NSMCE2: variants seen among roughly 807,000 people sequenced by gnomAD.
NSMCE2 encodes NSE2 SUMO ligase component of SMC5/6 complex, also known as E3 SUMO-protein ligase NSE2.
NSMCE2 carries 24 observed loss-of-function variants against 23.8 expected under a neutral mutation model. The observed-to-expected ratio is 1.01, with a 90% CI of 0.73 to 1.42. The LOEUF (loss-of-function observed/expected upper bound fraction) is 1.42, where lower values mean the gene tolerates loss of function less well. Among genes scored for constraint, NSMCE2 ranks in the 40% most tolerant of loss-of-function variants. NSMCE2 has a pLI of 0.00. For synonymous variants in NSMCE2, 92 were observed against 94.1 expected (o/e 0.98, Z 0.13); for missense variants, 284 against 296.5 (o/e 0.96, Z 0.31).
chr8:125,159,909 A>T (rs1026820635), intron 4 of NSMCE2, among the ~76,000 whole-genome samples: 1 of 151,680 alleles, frequency 6.6e-6, no homozygotes, highest in Non-Finnish European at 1.5e-5. Flanking sequence ...GCAGTGAGCC[A>T]TGATGGCGCC....
At chr8:125,356,075 G>A (rs1813261783) in intron 5 of NSMCE2, among the ~76,000 whole-genome samples, 1 of 152,052 alleles carries the variant, frequency 6.6e-6, no homozygotes, top group Admixed American at 6.6e-5. Flanking sequence ...TTCTTTTCAT[G>A]AGTGAATTTT....
chr8:125,103,257 G>A (rs1470631683), intron 3 of NSMCE2, among the ~76,000 whole-genome samples: 1 of 151,752 alleles, frequency 6.6e-6, no homozygotes, highest in African/African-American at 2.4e-5. Context: ...AGTGAGTCGA[G>A]ACCGAGCCAC....
At chr8:125,187,657 T>G (rs998228868) in intron 5 of NSMCE2, among the ~76,000 whole-genome samples, 1 of 152,144 alleles carries the variant, frequency 6.6e-6, no homozygotes, top group Non-Finnish European at 1.5e-5. Context: ...CCTGTAGATT[T>G]TAGTGTACAT....
chr8:125,182,923 A>C (rs1325729388), intron 5 of NSMCE2: 2 of 152,224 alleles, frequency 1.3e-5, no homozygotes, highest in African/African-American at 4.8e-5. Context: ...TAAAGTATAT[A>C]TGCCCTTTCT....
chr8:125,154,427 T>G (rs1420680239), intron 4 of NSMCE2, among the ~76,000 whole-genome samples: 1 of 151,440 alleles, frequency 6.6e-6, no homozygotes, highest in African/African-American at 2.4e-5. Flanking sequence ...CCTTCCGTTG[T>G]CTCTCAAGAA....
At chr8:125,170,428 C>T (rs1337324388) in intron 4 of NSMCE2, among the ~76,000 whole-genome samples, 2 of 106,152 alleles carry the variant, frequency 1.9e-5, no homozygotes, top group African/African-American at 7.1e-5. Flanking sequence ...GACAGAGTCT[C>T]GCTCTCTTGG....
intron 4 of NSMCE2, among the ~76,000 whole-genome samples, chr8:125,154,149 AG>A (rs1821186071): frequency 6.6e-6 from 1 of 152,342 alleles, no homozygotes; most frequent in African/African-American, 2.4e-5. Flanking sequence ...ATATTTGCCT[AG>A]ATTCAAATCT....
intron 5 of NSMCE2, among the ~76,000 whole-genome samples, chr8:125,269,523 C>G (rs1342249690): frequency 2.0e-5 from 3 of 152,144 alleles, no homozygotes; most frequent in African/African-American, 7.2e-5. Context: ...ACTGCTTGAT[C>G]AATTTATTTC....
chr8:125,116,818 A>G lies in NSMCE2; in HGVS notation c.157+14331A>G, dbSNP rs1281532478. 2.6e-5 allele frequency among the ~76,000 whole-genome samples: 4 copies of G among 151,766 alleles called. No individual in the cohort carries two copies. The East Asian group carries it at 7.7e-4, about 29-fold the overall frequency. ...GAACAAAGCATAGTGCCTAATTATCACTATATGGGCCAATGGCCATACTGA... is the reference window on the plus strand; with the variant it reads ...GAACAAAGCATAGTGCCTAATTATCGCTATATGGGCCAATGGCCATACTGA... On this transcript the variant is annotated intron_variant, in intron 3 of 7. Coordinates refer to ENST00000287437, the MANE Select transcript of NSMCE2 (RefSeq NM_173685.4).
chr8:125,257,246 T>C (rs530189393), intron 5 of NSMCE2, among the ~76,000 whole-genome samples: 45 of 149,700 alleles, frequency 3.0e-4, no homozygotes, highest in Non-Finnish European at 4.4e-4. Context: ...ATTGTGTCAC[T>C]GCACTCCAAC....
At chr8:125,114,489 A>G (rs927125581) in intron 3 of NSMCE2, among the ~76,000 whole-genome samples, 2 of 152,226 alleles carry the variant, frequency 1.3e-5, no homozygotes, top group Non-Finnish European at 2.9e-5. Context: ...CTCCATGCCT[A>G]TACCCCATCC....
chr8:125,245,435 C>T (rs540194978), intron 5 of NSMCE2, among the ~76,000 whole-genome samples: 7 of 152,016 alleles, frequency 4.6e-5, no homozygotes, highest in South Asian at 2.1e-4. Context: ...TCAAAGGCTA[C>T]GTCAAAACTA....
intron 5 of NSMCE2, among the ~76,000 whole-genome samples, chr8:125,301,408 C>T (rs1446990365): frequency 6.6e-6 from 1 of 152,162 alleles, no homozygotes; most frequent in Non-Finnish European, 1.5e-5. Context: ...TGCAAATTCA[C>T]CTCTCAGTGC....
intron 5 of NSMCE2, among the ~76,000 whole-genome samples, chr8:125,288,551 G>C (rs1335301104): frequency 6.6e-6 from 1 of 152,038 alleles, no homozygotes; most frequent in Non-Finnish European, 1.5e-5. Context: ...TCTATGTCCT[G>C]GTCCTTTTTC....
At chr8:125,184,004 G>T (rs954996623) in intron 5 of NSMCE2, among the ~76,000 whole-genome samples, 6 of 151,336 alleles carry the variant, frequency 4.0e-5, no homozygotes, top group African/African-American at 1.5e-4. Flanking sequence ...CAAATAAATA[G>T]CAATTTTTCA....
At chr8:125,133,494 C>G (rs1819876120) in intron 3 of NSMCE2, among the ~76,000 whole-genome samples, 1 of 152,132 alleles carries the variant, frequency 6.6e-6, no homozygotes. Context: ...AATCCTGACA[C>G]TTTGGGAGGC....
chr8:125,112,128 A>G (rs1818783941), intron 3 of NSMCE2, among the ~76,000 whole-genome samples: 1 of 152,246 alleles, frequency 6.6e-6, no homozygotes, highest in Non-Finnish European at 1.5e-5. Context: ...GTATGCTTAT[A>G]CAGCTTTTAT....
intron 1 of NSMCE2, among the ~76,000 whole-genome samples, chr8:125,100,807 T>C (rs745799518): frequency 2.6e-5 from 4 of 152,180 alleles, no homozygotes; most frequent in Non-Finnish European, 5.9e-5. Context: ...GTGACCCTCC[T>C]GCTTCAGCCT....
intron 7 of NSMCE2, among the ~76,000 whole-genome samples, chr8:125,360,968 A>T (rs541866326): frequency 1.3e-5 from 2 of 152,262 alleles, no homozygotes; most frequent in African/African-American, 4.8e-5. Context: ...TTGAGACTTT[A>T]GCCCCAGCCA....
Sources: gnomAD v4.1 joint callset for allele counts (sites outside exome capture counted in the v4.1 genomes callset) on GRCh38, gnomAD v4.1.1 for gene constraint, MANE v1.5 for transcripts, NCBI Gene and HGNC (gene_info 2026-07-23, HGNC 2026-07-21) for gene names.